The following FMN2 variants were observed in gnomAD, a reference collection of about 807,000 sequenced individuals.
FMN2 encodes formin 2.
FMN2 carries 51 observed loss-of-function variants against 142.3 expected under a neutral mutation model. That is an observed-to-expected ratio of 0.36 (90% CI 0.29 to 0.45). FMN2 has a LOEUF of 0.45. Among genes scored for constraint, FMN2 ranks in the 20% least tolerant of loss-of-function variants. FMN2 has a pLI of 1.00. For missense variants in FMN2, 1,936 were observed against 2,122.8 expected, an observed-to-expected ratio of 0.91 and a Z score of 1.73; for synonymous variants, 882 against 869.8, an observed-to-expected ratio of 1.01 and a Z score of -0.25.
At chr1:240,165,627 T>G (rs1664449865) in intron 2 of FMN2, among the ~76,000 whole-genome samples, 1 of 146,538 alleles carries the variant, frequency 6.8e-6, no homozygotes, top group South Asian at 2.1e-4. Context: ...GTCTCCATTT[T>G]TCTATTTTTT....
At chr1:240,461,966 T>C (rs559123480) in intron 16 of FMN2, among the ~76,000 whole-genome samples, 1 of 152,218 alleles carries the variant, frequency 6.6e-6, no homozygotes, top group South Asian at 2.1e-4. Flanking sequence ...CAGCTTTCCC[T>C]GTTCTCAGAT....
intron 7 of FMN2, among the ~76,000 whole-genome samples, chr1:240,287,847 C>A (rs566278844): frequency 6.6e-6 from 1 of 152,276 alleles, no homozygotes; most frequent in East Asian, 1.9e-4. Context: ...GTCCATTCTG[C>A]AGATGAGGAA....
intron 2 of FMN2, chr1:240,143,315 G>C: frequency 6.6e-7 from 1 of 1,512,364 alleles, no homozygotes; most frequent in Non-Finnish European, 9.2e-7. Context: ...AGTGCTAAAG[G>C]TACAGCCCTC....
chr1:240,144,061 G>A, intron 2 of FMN2: 2 of 1,097,786 alleles, frequency 1.8e-6, no homozygotes, highest in Non-Finnish European at 2.8e-6. Flanking sequence ...CTGACTTAAT[G>A]TAGTCCTCAA....
At chr1:240,391,632 G>A (rs1259557208) in intron 14 of FMN2, among the ~76,000 whole-genome samples, 1 of 151,988 alleles carries the variant, frequency 6.6e-6, no homozygotes, top group African/African-American at 2.4e-5. Context: ...AACCATTAGT[G>A]AGTCATGAAA....
intron 2 of FMN2, among the ~76,000 whole-genome samples, chr1:240,159,937 G>GTATA (rs35292759): frequency 8.4e-5 from 6 of 71,264 alleles, no homozygotes; most frequent in East Asian, 4.0e-4. Flanking sequence ...ATATATTTGT[G>GTATA]TATATATATA....
intron 16 of FMN2, among the ~76,000 whole-genome samples, chr1:240,467,497 ACCTT>A (rs1171543391): frequency 6.6e-6 from 1 of 151,932 alleles, no homozygotes; most frequent in African/African-American, 2.4e-5. Flanking sequence ...CAAACTCCTG[ACCTT>A]GTGATCCACC....
chr1:240,148,691 T>C (rs1347371429), intron 2 of FMN2, among the ~76,000 whole-genome samples: 2 of 152,220 alleles, frequency 1.3e-5, no homozygotes, highest in African/African-American at 4.8e-5. Flanking sequence ...ATAAAAACTC[T>C]GTATATTGGC....
intron 13 of FMN2, among the ~76,000 whole-genome samples, chr1:240,335,269 TTAC>T: frequency 6.6e-6 from 1 of 152,328 alleles, no homozygotes; most frequent in African/African-American, 2.4e-5. Flanking sequence ...AATTCTGTCA[TTAC>T]ATGTACCCTG....
intron 14 of FMN2, among the ~76,000 whole-genome samples, chr1:240,365,222 G>T (rs1672625235): frequency 9.9e-5 from 6 of 60,906 alleles, no homozygotes; most frequent in African/African-American, 6.0e-4. Flanking sequence ...TATACACACA[G>T]ACACACATAT....
At chr1:240,429,161 T>A (rs1675053849) in intron 15 of FMN2, among the ~76,000 whole-genome samples, 1 of 152,222 alleles carries the variant, frequency 6.6e-6, no homozygotes. Context: ...TGTCTGAGTT[T>A]TTAAAATTTT....
chr1:240,096,235 G>A (rs554834168), intron 1 of FMN2, among the ~76,000 whole-genome samples: 3 of 151,334 alleles, frequency 2.0e-5, no homozygotes, highest in Non-Finnish European at 4.4e-5. Flanking sequence ...CATATAGAGA[G>A]TAAAAACTGT....
At chr1:240,445,327 C>T (rs1675769086) in intron 16 of FMN2, among the ~76,000 whole-genome samples, 1 of 152,170 alleles carries the variant, frequency 6.6e-6, no homozygotes, top group African/African-American at 2.4e-5. Context: ...ATTTAAGTTA[C>T]AAGCTGAAAT....
At chr1:240,413,599 C>T (rs150073663) in intron 15 of FMN2, among the ~76,000 whole-genome samples, 24 of 152,214 alleles carry the variant, frequency 1.6e-4, no homozygotes, top group African/African-American at 5.3e-4. Flanking sequence ...AATATGAGTA[C>T]ACACAGTTAA....
chr1:240,451,801 T>C (rs1470283837), intron 16 of FMN2, among the ~76,000 whole-genome samples: 2 of 152,142 alleles, frequency 1.3e-5, no homozygotes, highest in East Asian at 1.9e-4. Flanking sequence ...AATAAACAGA[T>C]AGTATCTGTC....
intron 2 of FMN2, among the ~76,000 whole-genome samples, chr1:240,152,437 A>G (rs1000453067): frequency 7.9e-5 from 12 of 152,094 alleles, no homozygotes. Flanking sequence ...TTCTGCTCTC[A>G]TAGAGCCAGG....
Position 240,206,775 on chromosome 1 carries a change from G to A in FMN2, c.1987-24G>A, listed in dbSNP as rs771797742. 2.5e-6 allele frequency: 4 copies of A among 1,593,626 alleles called. No individual in the cohort carries two copies. The Admixed American group carries it at 6.9e-5, about 27-fold the overall frequency. On this transcript the variant is annotated intron_variant, in intron 4 of 17. Transcript: ENST00000319653. ...ATTTTTCCTTATTTCATAACTAACT[G>A]TGTCTGTCCTTGTCGCCCTTCAGGA... is the stretch of plus-strand genomic sequence containing the variant.
chr1:240,390,116 T>C (rs536844845), intron 14 of FMN2, among the ~76,000 whole-genome samples: 4 of 152,342 alleles, frequency 2.6e-5, no homozygotes, highest in Middle Eastern at 3.4e-3. Flanking sequence ...GTTCTTTGAA[T>C]TGTTGACTCT....
At chr1:240,418,353 C>T (rs12044944) in intron 15 of FMN2, among the ~76,000 whole-genome samples, 27,735 of 151,656 alleles carry the variant, frequency 0.18, 3,090 homozygotes, top group East Asian at 0.56. Context: ...CCCACCACCA[C>T]GCCCGGCTAA....
Sources: gnomAD v4.1 joint callset for allele counts (sites outside exome capture counted in the v4.1 genomes callset) on GRCh38, gnomAD v4.1.1 for gene constraint, MANE v1.5 for transcripts, NCBI Gene and HGNC (gene_info 2026-07-23, HGNC 2026-07-21) for gene names.